The following KLHL29 variants were observed in gnomAD, a reference collection of about 807,000 sequenced individuals.
KLHL29 encodes kelch-like protein 29.
Under a neutral mutation model 80.4 loss-of-function variants are expected in KLHL29, and 21 were observed. The ratio of observed to expected loss-of-function variants is 0.26; its 90% CI spans 0.19 to 0.38. The LOEUF (loss-of-function observed/expected upper bound fraction) is 0.38, where lower values mean the gene tolerates loss of function less well. KLHL29 is among the 10% of genes least tolerant of loss of function. The pLI is 1.00. For synonymous variants in KLHL29, 511 were observed against 526.8 expected (o/e 0.97, Z 0.41); for missense variants, 867 against 1,223.9 (o/e 0.71, Z 4.35).
At chr2:23,648,152 C>T (rs912833023) in intron 5 of KLHL29, among the ~76,000 whole-genome samples, 1 of 152,106 alleles carries the variant, frequency 6.6e-6, no homozygotes, top group Non-Finnish European at 1.5e-5. Context: ...AGAAGTCCAT[C>T]TGTTTCAAAC....
intron 3 of KLHL29, among the ~76,000 whole-genome samples, chr2:23,585,384 A>ATTT (rs1441223202): frequency 6.6e-6 from 1 of 152,198 alleles, no homozygotes; most frequent in African/African-American, 2.4e-5. Flanking sequence ...TATTAAGCAC[A>ATTT]TTTAGAAGAG....
rs990738572 is a variant in KLHL29 at position 23,647,594 on chromosome 2, G to A, written c.940+4744G>A. Among the ~76,000 whole-genome samples, 2 of 152,110 alleles carry A rather than the reference G, an allele frequency of 1.3e-5. No individual in the cohort carries two copies. The highest frequency in any genetic ancestry group is 4.8e-5 in the African/African-American group (2 of 41,422). On this transcript the variant is annotated intron_variant, in intron 5 of 13. Coordinates refer to ENST00000486442, the MANE Select transcript of KLHL29 (RefSeq NM_052920.2). The surrounding 1 kb of genome is among the most constrained non-coding windows in gnomAD (Gnocchi z 4.9). Reference sequence around the variant, plus strand: ...ACCGTCACCTCTGGCCTGCACACTGGCCTCCCAGCCCACAGTGCATTCCTT... The same window carrying A: ...ACCGTCACCTCTGGCCTGCACACTGACCTCCCAGCCCACAGTGCATTCCTT...
In KLHL29 at chr2:23,402,078, A is replaced by T. The variant is rs1042038398; in HGVS notation, c.-154+16298A>T. 2.0e-5 allele frequency among the ~76,000 whole-genome samples: 3 copies of T among 152,176 alleles called. No homozygotes were observed. The East Asian group carries it at 5.8e-4, about 29-fold the overall frequency. The stretch of plus-strand genomic sequence containing the variant: ...CAGAAAAAGAGAATTACCATACCTG[A>T]GGCTTGCCAGTCAGGGGCAGAGCCA... On this transcript the variant is annotated intron_variant, in intron 1 of 13. Transcript: ENST00000486442.
chr2:23,413,710 C>A (rs1319799097), intron 1 of KLHL29, among the ~76,000 whole-genome samples: 1 of 152,204 alleles, frequency 6.6e-6, no homozygotes, highest in Non-Finnish European at 1.5e-5. Context: ...AATGTTTGTT[C>A]ATTTTCCCAT....
At chr2:23,703,890 G>T (rs1672550340) in intron 13 of KLHL29, 27 bp downstream of exon 13, 3 of 1,527,924 alleles carry the variant, frequency 2.0e-6, no homozygotes, top group South Asian at 1.2e-5. Context: ...CCTTGACTAG[G>T]GCTGGGACGG....
At chr2:23,440,928 T>G (rs1663499176) in intron 1 of KLHL29, among the ~76,000 whole-genome samples, 1 of 152,230 alleles carries the variant, frequency 6.6e-6, no homozygotes. Context: ...TGGCAATTCC[T>G]CAGGGATCTG....
intron 3 of KLHL29, 117 bp from the exon 4 acceptor site, chr2:23,639,021 TG>T (rs887640518): frequency 4.1e-6 from 4 of 982,970 alleles, no homozygotes; most frequent in Non-Finnish European, 5.7e-6. Flanking sequence ...CTGTACTCAG[TG>T]GGCGAAGCTT....
intron 5 of KLHL29, among the ~76,000 whole-genome samples, chr2:23,658,785 T>C (rs1294744677): frequency 6.6e-6 from 1 of 152,176 alleles, no homozygotes; most frequent in Non-Finnish European, 1.5e-5. Flanking sequence ...CTCTGGGAGC[T>C]GAAGCCACAG....
intron 3 of KLHL29, among the ~76,000 whole-genome samples, chr2:23,614,371 C>A (rs953613237): frequency 1.3e-5 from 2 of 152,124 alleles, no homozygotes; most frequent in Admixed American, 6.5e-5. Flanking sequence ...GTCTCAGATA[C>A]CCAAAGGGTT....
chr2:23,540,232 G>A (rs1020782867), intron 2 of KLHL29, among the ~76,000 whole-genome samples: 1 of 152,138 alleles, frequency 6.6e-6, no homozygotes, highest in African/African-American at 2.4e-5. Flanking sequence ...TTCCTCTGCC[G>A]GGGCCGTGGT....
chr2:23,671,265 A>G (rs1207207012), intron 5 of KLHL29, among the ~76,000 whole-genome samples: 1 of 152,000 alleles, frequency 6.6e-6, no homozygotes, highest in Non-Finnish European at 1.5e-5. Context: ...TTACTGGAGC[A>G]GGAGGAGGAG....
intron 3 of KLHL29, among the ~76,000 whole-genome samples, chr2:23,590,771 G>A (rs948239523): frequency 1.3e-5 from 2 of 152,144 alleles, no homozygotes; most frequent in East Asian, 3.9e-4. Flanking sequence ...GGGAGAGTGC[G>A]CCGTGAGTCA....
intron 2 of KLHL29, among the ~76,000 whole-genome samples, chr2:23,506,575 G>A (rs776127405): frequency 6.6e-6 from 1 of 152,214 alleles, no homozygotes; most frequent in Non-Finnish European, 1.5e-5. Context: ...CCCAAGTGGG[G>A]TACTCAAGGC....
chr2:23,618,842 C>T (rs1374670401), intron 3 of KLHL29, among the ~76,000 whole-genome samples: 2 of 152,194 alleles, frequency 1.3e-5, no homozygotes, highest in Non-Finnish European at 2.9e-5. Flanking sequence ...CCTGTGTCCT[C>T]TAGGAGAAGA....
intron 1 of KLHL29, among the ~76,000 whole-genome samples, chr2:23,429,056 G>C (rs78641564): frequency 0.015 from 2,241 of 152,318 alleles, 29 homozygotes; most frequent in Non-Finnish European, 0.025. Flanking sequence ...GCACAGCGAG[G>C]GAGTTTGGAA....
chr2:23,453,610 T>C (rs1663953471), intron 1 of KLHL29, among the ~76,000 whole-genome samples: 1 of 152,166 alleles, frequency 6.6e-6, no homozygotes, highest in Admixed American at 6.5e-5. Context: ...GAGCTCTGCT[T>C]CTCTGGGCAC....
intron 1 of KLHL29, among the ~76,000 whole-genome samples, chr2:23,451,295 G>C (rs1179467031): frequency 6.6e-6 from 1 of 152,192 alleles, no homozygotes; most frequent in East Asian, 1.9e-4. Context: ...TATTTGAGCT[G>C]TGCCTGGAAC....
chr2:23,479,553 T>C (rs1558353399), intron 2 of KLHL29, among the ~76,000 whole-genome samples: 2 of 152,166 alleles, frequency 1.3e-5, no homozygotes, highest in South Asian at 4.2e-4. Context: ...CAGCCCTCCC[T>C]CCACTCCCTC....
intron 1 of KLHL29, among the ~76,000 whole-genome samples, chr2:23,420,164 G>A (rs1662751900): frequency 6.6e-6 from 1 of 152,058 alleles, no homozygotes; most frequent in African/African-American, 2.4e-5. Context: ...GTTCCCTCCT[G>A]CCCAGCGACC....
Sources: allele counts gnomAD v4.1 joint callset (sites outside exome capture counted in the v4.1 genomes callset), GRCh38; gene constraint gnomAD v4.1.1; non-coding constraint Gnocchi (gnomAD v3.1); transcripts MANE v1.5; gene names NCBI Gene and HGNC (gene_info 2026-07-23, HGNC 2026-07-21).